The following TPST1 variants were observed in gnomAD, a reference collection of about 807,000 sequenced individuals.
The protein encoded by TPST1 is protein-tyrosine sulfotransferase 1.
Under a neutral mutation model 34.8 loss-of-function variants are expected in TPST1, and 20 were observed. That is an observed-to-expected ratio of 0.57 (90% confidence interval 0.40 to 0.84). TPST1 has a LOEUF of 0.84. Among genes scored for constraint, TPST1 ranks in the 40% least tolerant of loss-of-function variants. The pLI is 0.00. For synonymous variants in TPST1, 152 were observed against 159.4 expected (o/e 0.95, Z 0.35); for missense variants, 353 against 455.5 (o/e 0.78, Z 2.05).
At chr7:66,343,820 A>C (rs1792288027) in intron 3 of TPST1, among the ~76,000 whole-genome samples, 1 of 152,244 alleles carries the variant, frequency 6.6e-6, no homozygotes, top group African/African-American at 2.4e-5. Flanking sequence ...TGGAATAATC[A>C]GACTGGAAAT....
intron 2 of TPST1, among the ~76,000 whole-genome samples, chr7:66,278,215 T>G (rs1175743017): frequency 1.3e-5 from 2 of 151,860 alleles, no homozygotes; most frequent in African/African-American, 4.8e-5. Context: ...TGCATATATT[T>G]TGAGGTATAG....
At chr7:66,337,361 G>C (rs371125830) in intron 3 of TPST1, among the ~76,000 whole-genome samples, 87 of 143,200 alleles carry the variant, frequency 6.1e-4, no homozygotes, top group African/African-American at 2.2e-3. Flanking sequence ...AAGCTGGAGA[G>C]TGCAGTGGTG....
At chr7:66,269,046 A>G (rs1320639987) in intron 2 of TPST1, among the ~76,000 whole-genome samples, 4 of 152,234 alleles carry the variant, frequency 2.6e-5, no homozygotes, top group African/African-American at 4.8e-5. Flanking sequence ...AATACATTTG[A>G]AAGTCTAGAA....
intron 3 of TPST1, among the ~76,000 whole-genome samples, chr7:66,331,952 ACT>A (rs1792002919): frequency 6.6e-6 from 1 of 152,138 alleles, no homozygotes; most frequent in African/African-American, 2.4e-5. Context: ...ATGATCTTTC[ACT>A]GTCTCCGATC....
intron 2 of TPST1, among the ~76,000 whole-genome samples, chr7:66,281,438 G>A (rs1790930460): frequency 1.3e-5 from 2 of 152,098 alleles, no homozygotes; most frequent in African/African-American, 2.4e-5. Flanking sequence ...ATAGAGTTTG[G>A]TTATGAATCC....
At chr7:66,243,919 T>G (rs1262600926) in intron 2 of TPST1, among the ~76,000 whole-genome samples, 1 of 151,196 alleles carries the variant, frequency 6.6e-6, no homozygotes, top group Non-Finnish European at 1.5e-5. Context: ...TTCGTTTTAT[T>G]TAAACATTTT....
intron 1 of TPST1, among the ~76,000 whole-genome samples, chr7:66,212,794 T>C (rs967419125): frequency 2.0e-5 from 3 of 152,182 alleles, no homozygotes; most frequent in African/African-American, 7.2e-5. Flanking sequence ...GGCTTAGATA[T>C]AAACCATGGA....
intron 1 of TPST1, among the ~76,000 whole-genome samples, chr7:66,206,747 A>G (rs148544587): frequency 1.4e-3 from 210 of 152,280 alleles, no homozygotes; most frequent in African/African-American, 4.9e-3. Flanking sequence ...TATATAAGCA[A>G]TGTGGTACGT....
chr7:66,341,046 A>G (rs1792227351), intron 3 of TPST1, among the ~76,000 whole-genome samples: 1 of 152,190 alleles, frequency 6.6e-6, no homozygotes. Context: ...CTACAGAGTC[A>G]GTATAATCTC....
chr7:66,280,036 G>A (rs1269398473), intron 2 of TPST1, among the ~76,000 whole-genome samples: 3 of 152,204 alleles, frequency 2.0e-5, no homozygotes, highest in Admixed American at 6.5e-5. Context: ...CCTTCACATC[G>A]TGACCTGCCT....
chr7:66,239,475 A>G (rs1345512930), intron 1 of TPST1, among the ~76,000 whole-genome samples: 4 of 152,238 alleles, frequency 2.6e-5, no homozygotes, highest in Admixed American at 2.6e-4. Context: ...TTTCCTTTTC[A>G]AAGTTGGTCC....
chr7:66,320,875 G>A (rs1349335174), intron 3 of TPST1, among the ~76,000 whole-genome samples: 1 of 152,200 alleles, frequency 6.6e-6, no homozygotes, highest in Non-Finnish European at 1.5e-5. Context: ...TGGGATTACA[G>A]TTGTGAGCCA....
In TPST1 at chr7:66,332,106, G is replaced by T. The variant is rs1404549368; in HGVS notation, c.1045-20399G>T. 6.6e-6 allele frequency among the ~76,000 whole-genome samples: 1 copy of T among 152,006 alleles called. No homozygotes were observed. The highest frequency in any genetic ancestry group is 1.5e-5 in the Non-Finnish European group (1 of 68,034). ...ATAAAGTGCACAGTAAACGTAATGTGCTTGAATCATCCGGAAACCATCCCC... is the reference window on the plus strand; with the variant it reads ...ATAAAGTGCACAGTAAACGTAATGTTCTTGAATCATCCGGAAACCATCCCC... On this transcript the variant is annotated intron_variant, in intron 3 of 5. Transcript: ENST00000304842. This position sits in a 1 kb window ranked among gnomAD's most constrained non-coding sequence, Gnocchi z 4.5.
chr7:66,238,476 A>G (rs974573555), intron 1 of TPST1, among the ~76,000 whole-genome samples: 1 of 142,474 alleles, frequency 7.0e-6, no homozygotes, highest in African/African-American at 2.6e-5. Context: ...AACAGTTGTT[A>G]TGGAGGCCTG....
intron 5 of TPST1, chr7:66,358,994 ATCTT>A (rs1792637088): frequency 1.3e-5 from 2 of 152,224 alleles, no homozygotes; most frequent in African/African-American, 4.8e-5. Context: ...GATGGATACT[ATCTT>A]TCTTATCTTT....
At chr7:66,257,113 A>T (rs1790396778) in intron 2 of TPST1, among the ~76,000 whole-genome samples, 1 of 151,940 alleles carries the variant, frequency 6.6e-6, no homozygotes, top group African/African-American at 2.4e-5. Flanking sequence ...CACCTGGCTA[A>T]TTTTTTTATT....
chr7:66,326,503 G>A (rs1791869762), intron 3 of TPST1, among the ~76,000 whole-genome samples: 2 of 152,172 alleles, frequency 1.3e-5, no homozygotes. Flanking sequence ...CTTGATTTGG[G>A]ACTATTTCCT....
intron 3 of TPST1, among the ~76,000 whole-genome samples, chr7:66,296,706 T>C (rs1791208766): frequency 8.4e-6 from 1 of 119,710 alleles, no homozygotes; most frequent in Non-Finnish European, 1.7e-5. Flanking sequence ...TTGGTACAAT[T>C]CTGGGTAGTC....
intron 2 of TPST1, among the ~76,000 whole-genome samples, chr7:66,258,511 C>G (rs1790423771): frequency 6.6e-6 from 1 of 152,164 alleles, no homozygotes; most frequent in African/African-American, 2.4e-5. Context: ...CTGAATCTCT[C>G]TTATGTGTGA....
Sources: allele counts gnomAD v4.1 joint callset (sites outside exome capture counted in the v4.1 genomes callset), GRCh38; gene constraint gnomAD v4.1.1; non-coding constraint Gnocchi (gnomAD v3.1); transcripts MANE v1.5; gene names NCBI Gene and HGNC (gene_info 2026-07-23, HGNC 2026-07-21).